The following EML6 variants were observed in gnomAD, a reference collection of about 807,000 sequenced individuals.
EML6 encodes EMAP like 6, also known as echinoderm microtubule-associated protein-like 6.
In EML6, 154 loss-of-function variants were observed where a neutral mutation model predicts 240.1. The ratio of observed to expected loss-of-function variants is 0.64; its 90% CI spans 0.56 to 0.73. The LOEUF is 0.73. Among genes scored for constraint, EML6 ranks in the 30% least tolerant of loss-of-function variants. The pLI, the probability that EML6 is intolerant of heterozygous loss-of-function variation, is 0.00. For synonymous variants in EML6, 1,148 were observed against 899.0 expected, an observed-to-expected ratio of 1.28 and a Z score of -4.95; for missense variants, 2,964 against 2,474.6, an observed-to-expected ratio of 1.20 and a Z score of -4.20.
At chr2:54,906,602 G>A (rs1673340678) in intron 24 of EML6, among the ~76,000 whole-genome samples, 1 of 152,230 alleles carries the variant, frequency 6.6e-6, no homozygotes, top group Non-Finnish European at 1.5e-5. Flanking sequence ...AAGGGTCCCT[G>A]CAGGCAGGTG....
Position 54,829,328 on chromosome 2 carries a change from G to A in EML6, c.712-14G>A, listed in dbSNP as rs1017828457. ...ATGGTTGCACCATTGAGTATTACCT[G>A]TTTTAATCAACAGGCTGGAATCTTT... On this transcript the variant is annotated splice_polypyrimidine_tract_variant and intron_variant, in intron 6 of 41. Transcript: ENST00000356458. 2 of 1,550,976 alleles carry A rather than the reference G, an allele frequency of 1.3e-6. No individual in the cohort carries two copies. Among genetic ancestry groups the A allele is most frequent in the African/African-American group, 1.4e-5 (1 of 73,022 alleles).
intron 2 of EML6, among the ~76,000 whole-genome samples, chr2:54,744,127 T>G: frequency 7.5e-6 from 1 of 133,354 alleles, no homozygotes; most frequent in African/African-American, 2.8e-5. Context: ...CAGAGGAGAG[T>G]TGTGGGGGGT....
chr2:54,842,654 G>A (rs1669525041), intron 7 of EML6, among the ~76,000 whole-genome samples: 1 of 152,190 alleles, frequency 6.6e-6, no homozygotes, highest in Admixed American at 6.5e-5. Context: ...TTAGGAAATT[G>A]ATATTGCTTC....
intron 4 of EML6, among the ~76,000 whole-genome samples, chr2:54,817,786 C>T (rs1055662742): frequency 6.6e-6 from 1 of 151,598 alleles, no homozygotes; most frequent in Non-Finnish European, 1.5e-5. Context: ...TTCACTGTCT[C>T]TTGCTTAGAA....
At chr2:54,840,544 G>C (rs1036837840) in intron 7 of EML6, among the ~76,000 whole-genome samples, 1 of 152,156 alleles carries the variant, frequency 6.6e-6, no homozygotes, top group African/African-American at 2.4e-5. Flanking sequence ...AAGCTCCACT[G>C]TCAGGCACAG....
intron 2 of EML6, among the ~76,000 whole-genome samples, chr2:54,727,639 A>G (rs1160495386): frequency 6.6e-6 from 1 of 152,240 alleles, no homozygotes; most frequent in Non-Finnish European, 1.5e-5. Flanking sequence ...GTTCTAATGC[A>G]AAAGTGTTTT....
At chr2:54,734,520 G>T (rs758650637) in intron 2 of EML6, among the ~76,000 whole-genome samples, 1 of 152,184 alleles carries the variant, frequency 6.6e-6, no homozygotes, top group Non-Finnish European at 1.5e-5. Flanking sequence ...TTTATCCCCT[G>T]CTGGTCTGGT....
In EML6 at chr2:54,928,221, T is replaced by G. The variant is rs748543025; in HGVS notation, c.3676-92T>G. 4.0e-6 allele frequency: 4 copies of G among 994,898 alleles called. No individual in the cohort carries two copies. In the African/African-American group the frequency reaches 4.8e-5, roughly 12 times the overall value. 61.6% of individuals were successfully genotyped at this position (994,898 alleles called of 1,614,324 possible). On this transcript the variant is annotated intron_variant, in intron 26 of 41. Transcript: ENST00000356458. ...TGTAGGAAATTGCTGTTGAACTGTTTCCTTTGTATCCAGTAGAAACTAACA... is the reference window on the plus strand; with the variant it reads ...TGTAGGAAATTGCTGTTGAACTGTTGCCTTTGTATCCAGTAGAAACTAACA...
At chr2:54,969,593 G>A (rs915780685) in intron 41 of EML6, among the ~76,000 whole-genome samples, 7 of 152,312 alleles carry the variant, frequency 4.6e-5, no homozygotes, top group Admixed American at 2.6e-4. Flanking sequence ...AGTAAAAGAC[G>A]TAAATGAATT....
rs140716523 is a variant in EML6, at chr2:54,957,429, T to TG, written c.4487-355dup. Among the ~76,000 whole-genome samples the TG allele has an allele frequency of 3.7e-3, 535 of 146,332 alleles. 3 individuals are homozygous for TG. Among genetic ancestry groups the TG allele is most frequent in the African/African-American group, 0.013 (516 of 39,944 alleles). ...CTCTGGGAGCGGCTCTGTCATCCTG[T>TG]GGGGGGACGACTCCTGTGGTGATGC... On this transcript the variant is annotated intron_variant, in intron 32 of 41. Coordinates refer to ENST00000356458, the MANE Select transcript of EML6 (RefSeq NM_001039753.4).
At chr2:54,875,579 C>T (rs970331774) in intron 16 of EML6, among the ~76,000 whole-genome samples, 1 of 152,158 alleles carries the variant, frequency 6.6e-6, no homozygotes, top group South Asian at 2.1e-4. Context: ...CAAATAAGCA[C>T]AGTTATGTGT....
rs114581533 is a variant in EML6, at chr2:54,932,121, A to G, written c.4004+3370A>G. Among the ~76,000 whole-genome samples, 248 of 152,346 alleles carry G rather than the reference A, an allele frequency of 1.6e-3. 1 individual carries two copies. Among genetic ancestry groups the G allele is most frequent in the African/African-American group, 5.6e-3 (233 of 41,576 alleles). ...ATCTTCAGTTCTAATCTTTCAGAAA[A>G]TGAGGAAGCTGAGAAGAAATTTACA... On this transcript the variant is annotated intron_variant, in intron 28 of 41. Transcript: ENST00000356458.
intron 2 of EML6, among the ~76,000 whole-genome samples, chr2:54,798,907 G>T (rs1296803430): frequency 6.6e-6 from 1 of 152,124 alleles, no homozygotes; most frequent in Non-Finnish European, 1.5e-5. Flanking sequence ...TAGCTTACAG[G>T]TGTTTCATAG....
At chr2:54,952,380 A>C (rs981440320) in intron 30 of EML6, among the ~76,000 whole-genome samples, 1 of 152,064 alleles carries the variant, frequency 6.6e-6, no homozygotes, top group African/African-American at 2.4e-5. Context: ...GATAACAGAC[A>C]GTAGCTCCCC....
chr2:54,796,001 C>T (rs11690558), intron 2 of EML6, among the ~76,000 whole-genome samples: 5 of 152,092 alleles, frequency 3.3e-5, no homozygotes, highest in Admixed American at 2.6e-4. Flanking sequence ...GAGATGCTTT[C>T]ATCATCTAAA....
At chr2:54,771,203 C>G (rs1043391696) in intron 2 of EML6, among the ~76,000 whole-genome samples, 3 of 152,118 alleles carry the variant, frequency 2.0e-5, no homozygotes, top group African/African-American at 4.8e-5. Flanking sequence ...ACAGTTTAGG[C>G]TCTCTACCTT....
chr2:54,865,321 C>CAA (rs10689357), intron 13 of EML6, among the ~76,000 whole-genome samples: 82,055 of 138,512 alleles, frequency 0.59, 25,950 homozygotes, highest in Middle Eastern at 0.74. Context: ...TCTGTATCTA[C>CAA]AAAAAAAAAA....
At chr2:54,879,415 G>T (rs1483615618) in intron 16 of EML6, 132 bp from the exon 17 acceptor site, 1 of 649,036 alleles carries the variant, frequency 1.5e-6, no homozygotes, top group East Asian at 2.7e-5. Flanking sequence ...AATCAAGTCA[G>T]GGCAGCTATC....
intron 2 of EML6, among the ~76,000 whole-genome samples, chr2:54,762,409 A>G (rs2103763658): frequency 6.6e-6 from 1 of 152,060 alleles, no homozygotes; most frequent in African/African-American, 2.4e-5. Flanking sequence ...AATGTTATCC[A>G]TTTTCTCTAT....
Sources: gnomAD v4.1 joint callset for allele counts (sites outside exome capture counted in the v4.1 genomes callset) on GRCh38, gnomAD v4.1.1 for gene constraint, MANE v1.5 for transcripts, NCBI Gene and HGNC (gene_info 2026-07-23, HGNC 2026-07-21) for gene names.